LPIN2: variants seen among roughly 807,000 people sequenced by gnomAD.
The protein encoded by LPIN2 is lipin 2, also known as phosphatidate phosphatase LPIN2.
LPIN2 carries 55 observed loss-of-function variants against 111.4 expected under a neutral mutation model. The observed-to-expected ratio is 0.49, with a 90% CI of 0.40 to 0.62. The LOEUF (loss-of-function observed/expected upper bound fraction) is 0.62, where lower values mean the gene tolerates loss of function less well. Among genes scored for constraint, LPIN2 ranks in the 20% least tolerant of loss-of-function variants. The pLI is 0.00. For synonymous variants in LPIN2, 425 were observed against 414.0 expected (o/e 1.03, Z -0.32); for missense variants, 992 against 1,112.1 (o/e 0.89, Z 1.54).
intron 1 of LPIN2, among the ~76,000 whole-genome samples, chr18:2,985,931 A>G (rs35355776): frequency 0.12 from 18,353 of 152,290 alleles, 1,274 homozygotes; most frequent in South Asian, 0.17. Flanking sequence ...AACCTCAATT[A>G]CAAAGAATTT....
chr18:2,921,398 A>C (rs938788195), intron 18 of LPIN2, 135 bp downstream of exon 18: 25 of 737,650 alleles, frequency 3.4e-5, no homozygotes, highest in Non-Finnish European at 4.9e-5. Context: ...AGATCAAGTG[A>C]AAACCGAACA....
chr18:2,917,135 T>G lies in LPIN2; in HGVS notation c.*3158A>C, dbSNP rs1057298115. 8 of 152,238 alleles carry G rather than the reference T, an allele frequency of 5.3e-5. No homozygotes were observed. Among genetic ancestry groups the G allele is most frequent in the African/African-American group, 1.9e-4 (8 of 41,458 alleles). The allele number at this position is 152,238 out of a possible 1,614,324, so 9.4% of individuals were successfully genotyped here. A position where few individuals can be genotyped will look rare whatever the true frequency, so the allele number is the denominator to read the frequency against. On this transcript the variant is annotated 3_prime_UTR_variant, in exon 20 of 20. Coordinates refer to ENST00000677752, the MANE Select transcript of LPIN2 (RefSeq NM_001375808.2). ...GTACTGATGATGTTTACAATTAACT[T>G]TGGACAACTTAAAACTTATTAGTGA...
At chr18:2,940,063 T>C (rs2053066961) in intron 5 of LPIN2, among the ~76,000 whole-genome samples, 2 of 152,220 alleles carry the variant, frequency 1.3e-5, no homozygotes, top group Non-Finnish European at 2.9e-5. Context: ...CAATGTCTCA[T>C]GTCTGTAATC....
intron 8 of LPIN2, among the ~76,000 whole-genome samples, chr18:2,932,985 TAAC>T (rs911186442): frequency 9.3e-5 from 14 of 151,250 alleles, no homozygotes; most frequent in African/African-American, 2.9e-4. Flanking sequence ...CCCCAACCAG[TAAC>T]AACAACATCT....
At chr18:2,989,691 C>A (rs954325023) in intron 1 of LPIN2, among the ~76,000 whole-genome samples, 1 of 152,074 alleles carries the variant, frequency 6.6e-6, no homozygotes, top group South Asian at 2.1e-4. Flanking sequence ...GAGGCCAATG[C>A]GGGCAGAACA....
intron 1 of LPIN2, chr18:2,967,068 T>G (rs2077816484): frequency 6.6e-6 from 1 of 152,176 alleles, no homozygotes; most frequent in Non-Finnish European, 1.5e-5. Context: ...GCATGTAATA[T>G]TTTTCAAGAA....
chr18:2,958,149 AAAAAAAAACAAC>A (rs1453044715), intron 2 of LPIN2, among the ~76,000 whole-genome samples: 1,291 of 120,900 alleles, frequency 0.011, 209 homozygotes, highest in African/African-American at 0.034. Context: ...CTCAAAAAAA[AAAAAAAAACAAC>A]AAAAAAAAAA....
In LPIN2 at chr18:2,931,437, C is replaced by T. The variant is rs1051720856; in HGVS notation, c.1275G>A (p.Ser425=). The T allele has an allele frequency of 4.4e-6, 7 of 1,585,848 alleles. No individual in the cohort carries two copies. The Admixed American group carries it at 7.3e-5, about 17-fold the overall frequency. Residue 425 remains serine, a synonymous_variant, in exon 9 of 20, where the codon TCG becomes TCA. Coordinates refer to ENST00000677752, the MANE Select transcript of LPIN2 (RefSeq NM_001375808.2). ...CGGGCCACTGCCTGGAACCGGGCTC[C>T]GATTCACTGTGGACAGGGGATGGGG... ...VAALYFPKSE[S]EPGSRQWPES... is the part of the protein sequence containing the mutation.
intron 1 of LPIN2, among the ~76,000 whole-genome samples, chr18:2,962,123 G>A (rs1037359763): frequency 1.3e-5 from 2 of 152,226 alleles, no homozygotes; most frequent in African/African-American, 2.4e-5. Context: ...GCTCTTCACA[G>A]ATGAGTGGCC....
At position 2,922,129 on chromosome 18, in the gene LPIN2, G is replaced by A. The variant is rs766529385; in HGVS notation, c.2245C>T (p.His749Tyr). 4 of 1,613,980 alleles carry A rather than the reference G, an allele frequency of 2.5e-6. No homozygotes were observed. The highest frequency in any genetic ancestry group is 8.5e-7 in the Non-Finnish European group (1 of 1,180,040). Reference sequence around the variant, plus strand: ...ATTGTGCCCTTGTCATTGACCCAGTGCAGGTAGCCACGGGTCATGTCGGCC... The same window carrying A: ...ATTGTGCCCTTGTCATTGACCCAGTACAGGTAGCCACGGGTCATGTCGGCC... ...GMADMTRGYL[H>Y]WVNDKGTILP... Residue 749 changes from histidine to tyrosine, a missense_variant, in exon 17 of 20, where the codon CAC (histidine) becomes TAC (tyrosine). By Grantham distance (83) the His-to-Tyr change is moderately conservative. This residue lies in a region of LPIN2 where 185 missense variants were observed against 186.5 expected (regional missense o/e 0.99). Coordinates refer to ENST00000677752, the MANE Select transcript of LPIN2 (RefSeq NM_001375808.2).
At chr18:2,967,997 T>C (rs973111748) in intron 1 of LPIN2, among the ~76,000 whole-genome samples, 3 of 152,266 alleles carry the variant, frequency 2.0e-5, no homozygotes, top group East Asian at 1.9e-4. Context: ...AGATGGCCCA[T>C]GAGAAGTGCT....
In LPIN2 at chr18:2,947,572, C is replaced by T. The variant is rs115319677; in HGVS notation, c.590+3483G>A. Among the ~76,000 whole-genome samples, 511 of 152,326 alleles carry T rather than the reference C, an allele frequency of 3.4e-3. 4 individuals carry two copies. The highest frequency in any genetic ancestry group is 0.012 in the African/African-American group (483 of 41,568). On this transcript the variant is annotated intron_variant, in intron 4 of 19. Transcript: ENST00000677752. ...AAAGAATGATTCCCTCTTCCATCTG[C>T]CTCCTTCAAGGAGCCTCAATTAACC... is the stretch of plus-strand genomic sequence containing the variant.
chr18:2,958,656 A>G (rs556101289), intron 2 of LPIN2, among the ~76,000 whole-genome samples: 2 of 152,264 alleles, frequency 1.3e-5, no homozygotes, highest in African/African-American at 4.8e-5. Context: ...ATACTAAGGG[A>G]GTAGGAGGAA....
chr18:3,008,748 G>A (rs576006832), intron 1 of LPIN2, among the ~76,000 whole-genome samples: 5 of 152,024 alleles, frequency 3.3e-5, no homozygotes, highest in East Asian at 3.9e-4. Flanking sequence ...CAGACTCAGG[G>A]TTCTACTGTG....
Position 2,928,916 on chromosome 18 carries a change from A to G in LPIN2, c.1550+149T>C, listed in dbSNP as rs1414003265. The G allele has an allele frequency of 6.0e-6, 4 of 671,418 alleles. No homozygotes were observed. In the East Asian group the frequency reaches 1.0e-4, roughly 18 times the overall value. 41.6% of individuals were successfully genotyped at this position (671,418 alleles called of 1,614,324 possible). A position where few individuals can be genotyped will look rare whatever the true frequency, so the allele number is the denominator to read the frequency against. ...CTTTTAAAAATAAAATTGAAGCTTTACTTTCACTTCAAAGTCATTGCCCAC... is the reference window on the plus strand; with the variant it reads ...CTTTTAAAAATAAAATTGAAGCTTTGCTTTCACTTCAAAGTCATTGCCCAC... On this transcript the variant is annotated intron_variant, in intron 10 of 19. Transcript: ENST00000677752.
intron 4 of LPIN2, among the ~76,000 whole-genome samples, chr18:2,943,545 TTAAG>T (rs1347561282): frequency 6.6e-6 from 1 of 152,158 alleles, no homozygotes; most frequent in African/African-American, 2.4e-5. Flanking sequence ...ATTTAACAGA[TTAAG>T]ATACTGTTTA....
Position 2,946,227 on chromosome 18 carries a change from C to T in LPIN2, c.590+4828G>A, listed in dbSNP as rs118060879. ...TCATCTGGGCTTGGTCTTTTTATCG[C>T]GTCTACTGTCTTAGGGGCTTGAATG... On this transcript the variant is annotated intron_variant, in intron 4 of 19. Coordinates refer to ENST00000677752, the MANE Select transcript of LPIN2 (RefSeq NM_001375808.2). 5.0e-4 allele frequency: 796 copies of T among 1,577,740 alleles called. 9 individuals carry two copies. In the East Asian group the frequency reaches 0.015, roughly 30 times the overall value.
chr18:2,966,373 TCTC>T (rs1208648135), intron 1 of LPIN2, among the ~76,000 whole-genome samples: 1 of 152,240 alleles, frequency 6.6e-6, no homozygotes, highest in African/African-American at 2.4e-5. Flanking sequence ...GTTACACGTC[TCTC>T]ATGTGTCAAG....
At chr18:2,927,013 C>G (rs1316762415) in intron 12 of LPIN2, among the ~76,000 whole-genome samples, 1 of 152,216 alleles carries the variant, frequency 6.6e-6, no homozygotes, top group African/African-American at 2.4e-5. Flanking sequence ...ACTGTCCCTA[C>G]AGACCCAGAA....
Sources: allele counts gnomAD v4.1 joint callset (sites outside exome capture counted in the v4.1 genomes callset), GRCh38; gene constraint gnomAD v4.1.1; regional missense constraint gnomAD v4.1.1; transcripts MANE v1.5; gene names NCBI Gene and HGNC (gene_info 2026-07-23, HGNC 2026-07-21).